Variants in DMD observed in about 807,000 individuals in gnomAD.
DMD encodes the protein mutant dystrophin.
A neutral mutation model predicts 330.1 loss-of-function variants in DMD; 63 were observed. The observed-to-expected ratio is 0.19, with a 90% CI of 0.16 to 0.24. The LOEUF is 0.24. DMD is among the 10% of genes least tolerant of loss of function. The pLI, the probability that DMD is intolerant of heterozygous loss-of-function variation, is 1.00. For missense variants in DMD, 3,344 were observed against 2,684.1 expected, an observed-to-expected ratio of 1.25 and a Z score of -5.43; for synonymous variants, 1,223 against 959.8, an observed-to-expected ratio of 1.27 and a Z score of -5.07.
chrX:31,372,751 G>A (rs1017701259), intron 60 of DMD, among the ~76,000 whole-genome samples: 8 of 111,418 alleles, frequency 7.2e-5, no homozygotes, highest in Non-Finnish European at 1.5e-4. Context: ...CATTCCCTCT[G>A]AAAACTGGCA....
chrX:31,898,541 G>A (rs929104697), intron 47 of DMD, among the ~76,000 whole-genome samples: 6 of 111,534 alleles, frequency 5.4e-5, no homozygotes, highest in Non-Finnish European at 9.4e-5. Context: ...TTTAATAAAC[G>A]GTGCTGGGAA....
At chrX:31,378,881 C>T (rs1716475444) in intron 60 of DMD, among the ~76,000 whole-genome samples, 2 of 111,110 alleles carry the variant, frequency 1.8e-5, no homozygotes, top group South Asian at 7.8e-4. Flanking sequence ...TTTTCTTCTG[C>T]GATGCCACTT....
chrX:31,775,310 G>A (rs17330076), intron 50 of DMD, among the ~76,000 whole-genome samples: 1,308 of 111,043 alleles, frequency 0.012, 9 homozygotes, highest in South Asian at 0.02. Context: ...TTTTATAAAC[G>A]CCTGGCTAGT....
In DMD at chrX:32,148,085, G is replaced by T. The variant is rs1048780834; in HGVS notation, c.6438+68831C>A. Among the ~76,000 whole-genome samples, 4 of 109,720 alleles carry T rather than the reference G, an allele frequency of 3.6e-5. No individual in the cohort carries two copies. In the South Asian group the frequency reaches 1.2e-3, roughly 32 times the overall value. ...GTAGAGACGGGGTTTCACCGTGTTCGCCAGGATGGTCTCGATCTCCTGACC... is the reference window on the plus strand; with the variant it reads ...GTAGAGACGGGGTTTCACCGTGTTCTCCAGGATGGTCTCGATCTCCTGACC... On this transcript the variant is annotated intron_variant, in intron 44 of 78. Transcript: ENST00000357033.
At chrX:33,001,099 G>A (rs2093268728) in intron 2 of DMD, among the ~76,000 whole-genome samples, 1 of 111,587 alleles carries the variant, frequency 9.0e-6, no homozygotes, top group East Asian at 2.8e-4. Context: ...ATGATAAAAA[G>A]GGGGAAACAC....
chrX:32,554,748 A>T (rs1040577872), intron 16 of DMD, among the ~76,000 whole-genome samples: 6 of 95,222 alleles, frequency 6.3e-5, no homozygotes, highest in Non-Finnish European at 1.3e-4. Context: ...AAAAGAAGGG[A>T]TTTCTCCCAA....
intron 5 of DMD, among the ~76,000 whole-genome samples, chrX:32,819,367 A>T (rs1423302186): frequency 9.0e-6 from 1 of 111,020 alleles, no homozygotes; most frequent in Non-Finnish European, 1.9e-5. Context: ...GTCCAGTAAA[A>T]GTATGGACCT....
chrX:32,453,959 T>C (rs2098344045), intron 26 of DMD, among the ~76,000 whole-genome samples: 1 of 111,152 alleles, frequency 9.0e-6, no homozygotes, highest in Non-Finnish European at 1.9e-5. Context: ...ACTCACATGG[T>C]AGTTACAATC....
intron 50 of DMD, among the ~76,000 whole-genome samples, chrX:31,785,605 G>GC (rs1356458459): frequency 9.2e-6 from 1 of 108,363 alleles, no homozygotes; most frequent in African/African-American, 3.4e-5. Context: ...CCCTCCCTCT[G>GC]CCCCCCAATC....
chrX:31,337,740 TG>T (rs1390081110), intron 61 of DMD, among the ~76,000 whole-genome samples: 1 of 111,944 alleles, frequency 8.9e-6, no homozygotes, highest in African/African-American at 3.3e-5. Flanking sequence ...TTCAGAACTC[TG>T]GTGCTGGTCT....
chrX:31,330,435 CACG>C (rs753925080), intron 61 of DMD, among the ~76,000 whole-genome samples: 1 of 111,799 alleles, frequency 8.9e-6, no homozygotes, highest in Non-Finnish European at 1.9e-5. Context: ...TATTTGATCC[CACG>C]ATCACTGGTG....
chrX:31,397,449 T>G (rs2060993774), intron 60 of DMD, among the ~76,000 whole-genome samples: 1 of 112,158 alleles, frequency 8.9e-6, no homozygotes, highest in Non-Finnish European at 1.9e-5. Context: ...GAATGATCAT[T>G]TATGGTGACT....
intron 55 of DMD, among the ~76,000 whole-genome samples, chrX:31,608,652 C>A (rs1005065944): frequency 9.0e-6 from 1 of 111,608 alleles, no homozygotes; most frequent in African/African-American, 3.3e-5. Context: ...ATGGCTAGTG[C>A]AGCCCTGCTG....
chrX:33,207,357 G>GA lies in DMD; in HGVS notation c.31+3924dup, dbSNP rs769162946. On this transcript the variant is annotated intron_variant, in intron 1 of 78. Transcript: ENST00000357033. ...TATGCTGTAATATATGAGGGAAACA[G>GA]ACTTTTTATACTATCAAGCCTTTCA... Among the ~76,000 whole-genome samples the GA allele has an allele frequency of 3.0e-4, 33 of 111,014 alleles. No homozygotes were observed. The South Asian group carries it at 3.4e-3, about 12-fold the overall frequency.
chrX:32,143,455 T>C (rs1191610970), intron 44 of DMD, among the ~76,000 whole-genome samples: 1 of 111,723 alleles, frequency 9.0e-6, no homozygotes, highest in Admixed American at 9.6e-5. Context: ...ACCCCTCACA[T>C]TAAATCCATG....
intron 74 of DMD, among the ~76,000 whole-genome samples, chrX:31,154,311 T>C (rs60927700): frequency 0.074 from 8,128 of 110,318 alleles, 662 homozygotes; most frequent in African/African-American, 0.24. Context: ...TTTTTTATTT[T>C]TTGAGACGGA....
chrX:32,399,071 T>G (rs1385791469), intron 30 of DMD, among the ~76,000 whole-genome samples: 3 of 112,066 alleles, frequency 2.7e-5, no homozygotes, highest in Non-Finnish European at 5.6e-5. Flanking sequence ...TTGAACCGTA[T>G]ACAGAAATCA....
intron 47 of DMD, among the ~76,000 whole-genome samples, chrX:31,888,676 C>G: frequency 9.0e-6 from 1 of 111,677 alleles, no homozygotes; most frequent in Middle Eastern, 4.7e-3. Context: ...CAACTGGTCT[C>G]GTGGTAAAAT....
At chrX:32,947,025 C>T (rs1344332367) in intron 2 of DMD, among the ~76,000 whole-genome samples, 5 of 112,143 alleles carry the variant, frequency 4.5e-5, no homozygotes, top group East Asian at 2.8e-4. Flanking sequence ...TTATGTATTT[C>T]GTAAACGCAG....
Sources: allele counts gnomAD v4.1 joint callset (sites outside exome capture counted in the v4.1 genomes callset), GRCh38; gene constraint gnomAD v4.1.1; transcripts MANE v1.5; gene names NCBI Gene and HGNC (gene_info 2026-07-23, HGNC 2026-07-21).